Variants in API5 observed in about 807,000 individuals in gnomAD.
The protein encoded by API5 is FIF.
API5 carries 6 observed loss-of-function variants against 71.9 expected under a neutral mutation model. The ratio of observed to expected loss-of-function variants is 0.08; its 90% CI spans 0.05 to 0.16. API5 has a LOEUF of 0.16. API5 is among the 10% of genes least tolerant of loss of function. The pLI, the probability that API5 is intolerant of heterozygous loss-of-function variation, is 1.00. For synonymous variants in API5, 189 were observed against 221.3 expected (o/e 0.85, Z 1.30); for missense variants, 332 against 612.8 (o/e 0.54, Z 4.84).
At chr11:43,330,386 A>G in intron 10 of API5, 122 bp from the exon 11 acceptor site, 1 of 790,220 alleles carries the variant, frequency 1.3e-6, no homozygotes, top group Non-Finnish European at 2.2e-6. Flanking sequence ...AAACCAAGGA[A>G]TTCTGTAAAG....
At chr11:43,312,923 A>G (rs1323854904) in intron 1 of API5, among the ~76,000 whole-genome samples, 1 of 151,998 alleles carries the variant, frequency 6.6e-6, no homozygotes, top group Non-Finnish European at 1.5e-5. Flanking sequence ...CCTGACCCAC[A>G]TGGTGAAACC....
At chr11:43,334,698 A>G (rs965262394) in intron 11 of API5, among the ~76,000 whole-genome samples, 1 of 152,036 alleles carries the variant, frequency 6.6e-6, no homozygotes, top group Non-Finnish European at 1.5e-5. Flanking sequence ...TTGCATTCCT[A>G]CCACTTTGAT....
chr11:43,343,576 G>A lies in API5; in HGVS notation c.*1066G>A, dbSNP rs1489076570. ...CCCAGAAAAAGTGACTTGATAACATGGTACCAATAAGTAAGGGATGCTCTC... is the reference window on the plus strand; with the variant it reads ...CCCAGAAAAAGTGACTTGATAACATAGTACCAATAAGTAAGGGATGCTCTC... On this transcript the variant is annotated 3_prime_UTR_variant, in exon 14 of 14. Coordinates refer to ENST00000531273, the MANE Select transcript of API5 (RefSeq NM_001142930.2). 6.6e-6 allele frequency: 1 copy of A among 152,498 alleles called. No individual in the cohort carries two copies. Among genetic ancestry groups the A allele is most frequent in the Non-Finnish European group, 1.5e-5 (1 of 68,008 alleles). 9.4% of individuals were successfully genotyped at this position (152,498 alleles called of 1,614,324 possible).
At position 43,321,967 on chromosome 11, in the gene API5, A is replaced by G. The variant is rs369289429; in HGVS notation, c.392-18A>G. 2.5e-5 allele frequency: 40 copies of G among 1,599,554 alleles called. No individual in the cohort carries two copies. The African/African-American group carries it at 3.2e-4, about 13-fold the overall frequency. ...ACTATAGAATTGACTTGCTACAGGC[A>G]ACTATTTTGTTTTGCAGGGACTTTA... On this transcript the variant is annotated intron_variant, in intron 4 of 13. Transcript: ENST00000531273.
In API5 at chr11:43,343,449, G is replaced by C. The variant is rs1321037752; in HGVS notation, c.*939G>C. The C allele has an allele frequency of 6.6e-6, 1 of 152,562 alleles. No homozygotes were observed. Among genetic ancestry groups the C allele is most frequent in the Non-Finnish European group, 1.5e-5 (1 of 68,030 alleles). 9.5% of individuals were successfully genotyped at this position (152,562 alleles called of 1,614,324 possible). ...TTTTCAAAGATAAATTGGAATTGCT[G>C]TTGGTGAAATAACAACCAAAATACT... On this transcript the variant is annotated 3_prime_UTR_variant, in exon 14 of 14. Coordinates refer to ENST00000531273, the MANE Select transcript of API5 (RefSeq NM_001142930.2).
intron 11 of API5, among the ~76,000 whole-genome samples, chr11:43,333,705 G>A (rs1855334541): frequency 6.6e-6 from 1 of 152,112 alleles, no homozygotes; most frequent in African/African-American, 2.4e-5. Flanking sequence ...ATTGTAAAGA[G>A]GTAACAGTCA....
intron 7 of API5, among the ~76,000 whole-genome samples, 175 bp downstream of exon 7, chr11:43,326,786 T>TA (rs1402911763): frequency 6.6e-6 from 1 of 152,228 alleles, no homozygotes; most frequent in Non-Finnish European, 1.5e-5. Context: ...TGGATTCAAT[T>TA]AAAGTTTGCT....
Position 43,336,012 on chromosome 11 carries a change from G to T in API5, c.1492+18G>T, listed in dbSNP as rs758694033. 4 of 1,611,350 alleles carry T rather than the reference G, an allele frequency of 2.5e-6. No individual in the cohort carries two copies. Among genetic ancestry groups the T allele is most frequent in the South Asian group, 1.1e-5 (1 of 90,464 alleles). ...TAATTATGGTGAGCGTTTCCGTTTGGGTACAAGGAATATGAGAGATTAGGC... is the reference window on the plus strand; with the variant it reads ...TAATTATGGTGAGCGTTTCCGTTTGTGTACAAGGAATATGAGAGATTAGGC... On this transcript the variant is annotated intron_variant, in intron 13 of 13. Coordinates refer to ENST00000531273, the MANE Select transcript of API5 (RefSeq NM_001142930.2).
chr11:43,312,485 C>T (rs1482599455), intron 1 of API5, among the ~76,000 whole-genome samples: 2 of 740 alleles, frequency 2.7e-3, no homozygotes, highest in Non-Finnish European at 6.0e-3. Flanking sequence ...TAATTCTTCT[C>T]ACGGAGCTTT....
intron 4 of API5, 21 bp from the exon 5 acceptor site, chr11:43,321,964 G>A: frequency 6.3e-7 from 1 of 1,597,410 alleles, no homozygotes; most frequent in Non-Finnish European, 8.5e-7. Flanking sequence ...ACTTGCTACA[G>A]GCAACTATTT....
chr11:43,327,903 G>A (rs2134363271), intron 8 of API5, 25 bp downstream of exon 8: 1 of 1,477,986 alleles, frequency 6.8e-7, no homozygotes, highest in Non-Finnish European at 9.4e-7. Flanking sequence ...CTTTCCTTAT[G>A]GGATAGTCAG....
intron 13 of API5, among the ~76,000 whole-genome samples, chr11:43,339,549 A>G (rs186824120): frequency 8.5e-5 from 13 of 152,320 alleles, no homozygotes; most frequent in African/African-American, 3.1e-4. Context: ...TGACTGACCA[A>G]TGGATGAGAG....
chr11:43,336,312 C>T (rs1164761546), intron 13 of API5: 3 of 373,392 alleles, frequency 8.0e-6, no homozygotes, highest in Admixed American at 8.4e-5. Context: ...GTTGCAGCTT[C>T]AAGGCAAGGC....
At chr11:43,323,826 A>AAAC (rs1854976126) in intron 6 of API5, among the ~76,000 whole-genome samples, 190 bp downstream of exon 6, 1 of 152,176 alleles carries the variant, frequency 6.6e-6, no homozygotes, top group African/African-American at 2.4e-5. Flanking sequence ...CAAAAATCCA[A>AAAC]AACCTGAAAT....
In API5 at chr11:43,318,745, T is replaced by C. The variant is rs774269010; in HGVS notation, c.175T>C (p.Leu59=). The C allele has an allele frequency of 6.2e-7, 1 of 1,613,922 alleles. No individual in the cohort carries two copies. The highest frequency in any genetic ancestry group is 1.1e-5 in the South Asian group (1 of 91,084). The stretch of plus-strand genomic sequence containing the variant: ...GAAATTCTTTAAGCATTTTCCAGAA[T>C]TGGCTGATTCTGCTATCAATGCACA... ...IPKFFKHFPE[L]ADSAINAQLD... Residue 59 remains leucine, a synonymous_variant, in exon 2 of 14, where the codon TTG becomes CTG. Transcript: ENST00000531273.
Position 43,323,587 on chromosome 11 carries a change from G to C in API5, c.701G>C (p.Cys234Ser). 3 of 1,614,078 alleles carry C rather than the reference G, an allele frequency of 1.9e-6. No homozygotes were observed. The highest frequency in any genetic ancestry group is 1.7e-6 in the Non-Finnish European group (2 of 1,179,972). Residue 234 changes from cysteine (C) to serine (S), a missense_variant, in exon 6 of 14, where the codon TGT becomes TCT. Cys to Ser is a moderately radical substitution (Grantham distance 112). Coordinates refer to ENST00000531273, the MANE Select transcript of API5 (RefSeq NM_001142930.2). ...EQTFNPSDPD[C>S]VDRLLQCTRQ... ...ACCTTCAATCCCTCGGATCCTGACT[G>C]TGTGGACAGGCTCTTACAGTGCACT...
chr11:43,323,661 C>G, intron 6 of API5, 25 bp downstream of exon 6: 1 of 1,592,214 alleles, frequency 6.3e-7, no homozygotes, highest in Non-Finnish European at 8.6e-7. Context: ...TTTACACACC[C>G]GGTATTAGCT....
rs902040860 is a variant in API5 at position 43,312,994 on chromosome 11, C to T, written c.69+798C>T. On this transcript the variant is annotated intron_variant, in intron 1 of 13. Coordinates refer to ENST00000531273, the MANE Select transcript of API5 (RefSeq NM_001142930.2). Reference sequence around the variant, plus strand: ...TGGTGACACGCGCTTGTAATCCTAGCTACTCAGGAGGCTGAGGTGGGAGGA... The same window carrying T: ...TGGTGACACGCGCTTGTAATCCTAGTTACTCAGGAGGCTGAGGTGGGAGGA... 4.6e-5 allele frequency among the ~76,000 whole-genome samples: 7 copies of T among 151,678 alleles called. No homozygotes were observed. In the South Asian group the frequency reaches 8.3e-4, roughly 18 times the overall value.
chr11:43,336,045 GTGTT>G, intron 13 of API5, 51 bp downstream of exon 13: 1 of 1,592,356 alleles, frequency 6.3e-7, no homozygotes, highest in South Asian at 1.1e-5. Flanking sequence ...GGCAGAAATT[GTGTT>G]ATACTTTATT....
Sources: allele counts gnomAD v4.1 joint callset (sites outside exome capture counted in the v4.1 genomes callset), GRCh38; gene constraint gnomAD v4.1.1; transcripts MANE v1.5; gene names NCBI Gene and HGNC (gene_info 2026-07-23, HGNC 2026-07-21).